MYO1B: variants seen among roughly 807,000 people sequenced by gnomAD.
MYO1B encodes the protein unconventional myosin-Ib.
A neutral mutation model predicts 159.7 loss-of-function variants in MYO1B; 72 were observed. The observed-to-expected ratio is 0.45, with a 90% CI of 0.37 to 0.55. The LOEUF (loss-of-function observed/expected upper bound fraction) is 0.55. Among genes scored for constraint, MYO1B ranks in the 20% least tolerant of loss-of-function variants. MYO1B has a pLI of 0.00. For synonymous variants in MYO1B, 468 were observed against 473.8 expected, an observed-to-expected ratio of 0.99 and a Z score of 0.16; for missense variants, 1,062 against 1,364.8, an observed-to-expected ratio of 0.78 and a Z score of 3.50.
intron 21 of MYO1B, 108 bp from the exon 22 acceptor site, chr2:191,400,274 A>G: frequency 8.4e-7 from 1 of 1,189,926 alleles, no homozygotes; most frequent in South Asian, 1.2e-5. Flanking sequence ...TTGATTTATC[A>G]CAATAGCATG....
At chr2:191,381,782 T>C (rs1695053197) in intron 14 of MYO1B, among the ~76,000 whole-genome samples, 1 of 152,068 alleles carries the variant, frequency 6.6e-6, no homozygotes, top group Non-Finnish European at 1.5e-5. Flanking sequence ...TGTGAGAGGG[T>C]TGTGGCTGCA....
intron 4 of MYO1B, among the ~76,000 whole-genome samples, chr2:191,332,083 C>T (rs1382990877): frequency 2.0e-5 from 3 of 152,186 alleles, no homozygotes; most frequent in Non-Finnish European, 2.9e-5. Context: ...CTGGCTCAGC[C>T]TCCCAAGTAG....
intron 4 of MYO1B, among the ~76,000 whole-genome samples, chr2:191,339,454 T>C (rs1039878948): frequency 6.6e-6 from 1 of 152,210 alleles, no homozygotes; most frequent in Admixed American, 6.5e-5. Context: ...GAAAATGTAG[T>C]TGAGGAACTT....
At chr2:191,395,479 G>A (rs1464180) in intron 20 of MYO1B, among the ~76,000 whole-genome samples, 148,277 of 152,366 alleles carry the variant, frequency 0.97, 72,248 homozygotes, top group East Asian at 1. Context: ...TGAGCCAGCT[G>A]GCACTTCTAA....
intron 12 of MYO1B, 119 bp downstream of exon 12, chr2:191,369,747 C>T: frequency 2.6e-6 from 2 of 766,582 alleles, no homozygotes; most frequent in South Asian, 1.8e-5. Context: ...AAAGATTATT[C>T]CTTAAAAAGA....
At chr2:191,380,812 A>G (rs1301632624) in intron 13 of MYO1B, among the ~76,000 whole-genome samples, 1 of 152,178 alleles carries the variant, frequency 6.6e-6, no homozygotes, top group Non-Finnish European at 1.5e-5. Context: ...ACAGTCAGCC[A>G]ATACATATTG....
chr2:191,383,473 T>TATACACACAC (rs1170563038), intron 15 of MYO1B, 131 bp downstream of exon 15: 1 of 119,862 alleles, frequency 8.3e-6, no homozygotes. Flanking sequence ...TATATATATA[T>TATACACACAC]ACACACACAC....
chr2:191,380,708 G>A (rs549973501), intron 13 of MYO1B, among the ~76,000 whole-genome samples: 1 of 152,186 alleles, frequency 6.6e-6, no homozygotes, highest in African/African-American at 2.4e-5. Context: ...GAGTGATCAA[G>A]GGTATGGGCC....
intron 4 of MYO1B, among the ~76,000 whole-genome samples, chr2:191,330,753 A>G (rs1285457246): frequency 6.6e-6 from 1 of 152,204 alleles, no homozygotes; most frequent in Non-Finnish European, 1.5e-5. Flanking sequence ...TGGAGGAGGA[A>G]GATGGTGAGG....
intron 17 of MYO1B, 105 bp from the exon 18 acceptor site, chr2:191,390,186 CA>C (rs1275610344): frequency 9.7e-7 from 1 of 1,031,728 alleles, no homozygotes; most frequent in African/African-American, 1.6e-5. Context: ...TTAAGAATAA[CA>C]TAATTGTTTT....
At chr2:191,271,644 C>T (rs1194298375) in intron 1 of MYO1B, among the ~76,000 whole-genome samples, 1 of 152,062 alleles carries the variant, frequency 6.6e-6, no homozygotes, top group Non-Finnish European at 1.5e-5. Context: ...AGTGTTTCAA[C>T]GTATACATTG....
chr2:191,292,908 G>A (rs1383358217), intron 2 of MYO1B, among the ~76,000 whole-genome samples: 10 of 152,198 alleles, frequency 6.6e-5, no homozygotes, highest in Non-Finnish European at 1.2e-4. Flanking sequence ...TATATTTTCT[G>A]CTAGTCTCAC....
intron 30 of MYO1B, 48 bp from the exon 31 acceptor site, chr2:191,423,789 A>T: frequency 6.4e-7 from 1 of 1,574,614 alleles, no homozygotes. Flanking sequence ...TATTGTAATC[A>T]TGAGCTGTTT....
At chr2:191,333,295 A>C (rs993086831) in intron 4 of MYO1B, among the ~76,000 whole-genome samples, 9 of 152,022 alleles carry the variant, frequency 5.9e-5, no homozygotes, top group Admixed American at 4.6e-4. Flanking sequence ...TGACATCTCT[A>C]CTTGGGGTCT....
chr2:191,368,069 G>A (rs1208612871), intron 11 of MYO1B, among the ~76,000 whole-genome samples: 1 of 152,168 alleles, frequency 6.6e-6, no homozygotes, highest in Non-Finnish European at 1.5e-5. Context: ...CCTAATTGGA[G>A]TAGGGAGGGA....
intron 8 of MYO1B, among the ~76,000 whole-genome samples, chr2:191,361,109 C>T (rs747526406): frequency 9.2e-5 from 14 of 152,066 alleles, no homozygotes; most frequent in Admixed American, 2.0e-4. Flanking sequence ...CATACGTCTC[C>T]GATGTGTTGA....
At chr2:191,307,068 A>G (rs2125847998) in intron 3 of MYO1B, among the ~76,000 whole-genome samples, 1 of 152,298 alleles carries the variant, frequency 6.6e-6, no homozygotes, top group Middle Eastern at 3.4e-3. Flanking sequence ...TAAGAAAGTA[A>G]AGGAATAAAG....
intron 7 of MYO1B, among the ~76,000 whole-genome samples, chr2:191,353,035 C>G (rs1693022804): frequency 1.3e-5 from 2 of 152,044 alleles, no homozygotes; most frequent in Non-Finnish European, 2.9e-5. Context: ...AATTGTGTAC[C>G]CAGGAAGTGG....
At chr2:191,333,967 C>T (rs908874381) in intron 4 of MYO1B, among the ~76,000 whole-genome samples, 1 of 152,164 alleles carries the variant, frequency 6.6e-6, no homozygotes, top group Non-Finnish European at 1.5e-5. Context: ...ACCCCTCCCC[C>T]CATCCTATTT....
Sources: gnomAD v4.1 joint callset for allele counts (sites outside exome capture counted in the v4.1 genomes callset) on GRCh38, gnomAD v4.1.1 for gene constraint, MANE v1.5 for transcripts, NCBI Gene and HGNC (gene_info 2026-07-23, HGNC 2026-07-21) for gene names.